Variants in ADAM28 observed in about 807,000 individuals in gnomAD.
ADAM28 encodes the protein disintegrin and metalloproteinase domain-containing protein 28.
In ADAM28, 105 loss-of-function variants were observed where a neutral mutation model predicts 101.2. The ratio of observed to expected loss-of-function variants is 1.04; its 90% CI spans 0.89 to 1.22. The LOEUF (loss-of-function observed/expected upper bound fraction) is 1.22, where lower values mean the gene tolerates loss of function less well. ADAM28 is among the 50% of genes most tolerant of loss of function. The pLI is 0.00. For synonymous variants in ADAM28, 322 were observed against 310.6 expected (o/e 1.04, Z -0.39); for missense variants, 1,028 against 945.4 (o/e 1.09, Z -1.15).
At chr8:24,353,238 A>G (rs1282123609) in intron 21 of ADAM28, among the ~76,000 whole-genome samples, 1 of 152,036 alleles carries the variant, frequency 6.6e-6, no homozygotes, top group African/African-American at 2.4e-5. Flanking sequence ...ATTTTACTTT[A>G]TGTATATTAG....
intron 10 of ADAM28, 99 bp from the exon 11 acceptor site, chr8:24,329,886 T>TGAGA (rs1287352791): frequency 5.4e-4 from 305 of 564,174 alleles, no homozygotes; most frequent in Non-Finnish European, 7.8e-4. Flanking sequence ...TGTGTGTGTG[T>TGAGA]GAGAGAGAGA....
intron 9 of ADAM28, among the ~76,000 whole-genome samples, chr8:24,325,590 T>A (rs1185930312): frequency 1.3e-5 from 2 of 151,758 alleles, no homozygotes; most frequent in Non-Finnish European, 2.9e-5. Flanking sequence ...AGAGAACAGG[T>A]ATCATAAACC....
At chr8:24,338,724 A>G (rs1000769738) in intron 14 of ADAM28, among the ~76,000 whole-genome samples, 6 of 152,176 alleles carry the variant, frequency 3.9e-5, no homozygotes, top group African/African-American at 1.4e-4. Context: ...AAATTTCCAA[A>G]CGTTTAAGAC....
chr8:24,326,829 T>A (rs987208880), intron 10 of ADAM28, among the ~76,000 whole-genome samples, 194 bp downstream of exon 10: 2 of 152,046 alleles, frequency 1.3e-5, no homozygotes, highest in Non-Finnish European at 2.9e-5. Flanking sequence ...ATTATCTTTT[T>A]AATATATTGT....
In ADAM28 at chr8:24,298,664, G is replaced by A. The variant is rs563920029; in HGVS notation, c.47-1310G>A. On this transcript the variant is annotated intron_variant, in intron 1 of 22. Coordinates refer to ENST00000265769, the MANE Select transcript of ADAM28 (RefSeq NM_014265.6). The stretch of plus-strand genomic sequence containing the variant: ...GGCATTACCTTTAGAGACCCTCCTA[G>A]TCCTTACTCAGAGAAGAGAAAAAAA... Among the ~76,000 whole-genome samples the A allele has an allele frequency of 3.3e-5, 5 of 152,218 alleles. No homozygotes were observed. In the South Asian group the frequency reaches 1.0e-3, roughly 32 times the overall value.
At chr8:24,343,269 CT>C in intron 17 of ADAM28, 88 bp downstream of exon 17, 1 of 1,470,022 alleles carries the variant, frequency 6.8e-7, no homozygotes, top group South Asian at 1.2e-5. Flanking sequence ...ATATTTTCAG[CT>C]TTAAATGATG....
chr8:24,308,422 C>T (rs1333685867), intron 2 of ADAM28, among the ~76,000 whole-genome samples: 1 of 152,160 alleles, frequency 6.6e-6, no homozygotes, highest in Non-Finnish European at 1.5e-5. Context: ...AGCATTTATT[C>T]TTTTCTAAAA....
At chr8:24,344,367 G>A (rs1050974995) in intron 18 of ADAM28, among the ~76,000 whole-genome samples, 9 of 152,104 alleles carry the variant, frequency 5.9e-5, no homozygotes, top group African/African-American at 2.2e-4. Flanking sequence ...TCTAGAGGAA[G>A]CCTCTGTCCT....
In ADAM28 at chr8:24,313,579, T is replaced by C. The variant is rs1810761541; in HGVS notation, c.575T>C (p.Val192Ala). The change falls in exon 6 of 23, where the codon GTA becomes GCA. Residue 192 changes from valine (V) to alanine (A), a missense_variant and splice_region_variant. Coordinates refer to ENST00000265769, the MANE Select transcript of ADAM28 (RefSeq NM_014265.6). The part of the protein sequence containing the change: ...QNIALPATKL[V>A]KLKDRKVQEH... The stretch of plus-strand genomic sequence containing the variant: ...ATTGCCCTACCTGCCACCAAACTAG[T>C]AGTATGTGTAACTTTATTTATTTGA... 6.2e-7 allele frequency: 1 copy of C among 1,613,058 alleles called. No homozygotes were observed. Among genetic ancestry groups the C allele is most frequent in the Non-Finnish European group, 8.5e-7 (1 of 1,179,454 alleles).
Position 24,341,686 on chromosome 8 carries a change from A to G in ADAM28, c.1759A>G (p.Thr587Ala). 6.2e-7 allele frequency: 1 copy of G among 1,613,928 alleles called. No homozygotes were observed. ...GRIVTFLTCK[T>A]FDPEDTSQEI... ...GATAGTGACTTTCCTGACATGTAAAACATTTGATCCTGAAGACACAAGTCA... is the reference window on the plus strand; with the variant it reads ...GATAGTGACTTTCCTGACATGTAAAGCATTTGATCCTGAAGACACAAGTCA... Residue 587 changes from threonine to alanine, a missense_variant, in exon 16 of 23, where the codon ACA becomes GCA. Thr to Ala is a moderately conservative substitution (Grantham distance 58). Transcript: ENST00000265769.
At chr8:24,329,884 TGTGA>T (rs879205692) in intron 10 of ADAM28, 97 bp from the exon 11 acceptor site, 10,707 of 679,062 alleles carry the variant, frequency 0.016, 10 homozygotes, top group African/African-American at 0.039. Context: ...TGTGTGTGTG[TGTGA>T]GAGAGAGAGA....
chr8:24,311,483 T>C (rs1278337772), intron 5 of ADAM28, 46 bp downstream of exon 5: 4 of 1,513,552 alleles, frequency 2.6e-6, no homozygotes, highest in Non-Finnish European at 3.6e-6. Flanking sequence ...TTGTGGTATT[T>C]ATGTATGTAT....
rs2129323666 is a variant in ADAM28, at chr8:24,339,452, G to A, written c.1568-14G>A. ...ATCTATTTTCTTTTCCCTGCTGACT[G>A]ATCCTGGTCCCAGGAACTGAGGTTG... On this transcript the variant is annotated splice_polypyrimidine_tract_variant and intron_variant, in intron 14 of 22. Transcript: ENST00000265769. 1 of 1,601,248 alleles carries A rather than the reference G, an allele frequency of 6.2e-7. No individual in the cohort carries two copies. Among genetic ancestry groups the A allele is most frequent in the Non-Finnish European group, 8.5e-7 (1 of 1,170,576 alleles).
In ADAM28 at chr8:24,323,948, T is replaced by C; in HGVS notation, c.835T>C (p.Trp279Arg). 6.2e-7 allele frequency: 1 copy of C among 1,612,148 alleles called. No homozygotes were observed. Among genetic ancestry groups the C allele is most frequent in the Non-Finnish European group, 8.5e-7 (1 of 1,178,800 alleles). ...CTTCACCTTGGAGAATTTTTCTAAA[T>C]GGAGGGGGAGTGTTCTCTCAAGAAG... ...ASFTLENFSK[W>R]RGSVLSRRKR... Residue 279 changes from tryptophan to arginine, a missense_variant, in exon 9 of 23, where the codon TGG (tryptophan) becomes CGG (arginine). Physicochemically the swap from Trp to Arg is moderately radical, Grantham distance 101. Transcript: ENST00000265769.
intron 2 of ADAM28, among the ~76,000 whole-genome samples, chr8:24,309,029 T>A (rs1020681444): frequency 3.3e-5 from 5 of 152,180 alleles, no homozygotes; most frequent in African/African-American, 4.8e-5. Context: ...CCTAATAACT[T>A]TTTAGATATT....
At chr8:24,351,057 G>A (rs1816055224) in intron 19 of ADAM28, among the ~76,000 whole-genome samples, 175 bp from the exon 20 acceptor site, 1 of 152,082 alleles carries the variant, frequency 6.6e-6, no homozygotes, top group Admixed American at 6.6e-5. Flanking sequence ...TGAATTACAA[G>A]GCAATGAAAG....
intron 18 of ADAM28, among the ~76,000 whole-genome samples, chr8:24,346,425 A>T (rs2129334146): frequency 6.6e-6 from 1 of 152,192 alleles, no homozygotes; most frequent in East Asian, 1.9e-4. Context: ...TATATCATAA[A>T]TTGTTTTATA....
At chr8:24,298,352 TC>T (rs139205682) in intron 1 of ADAM28, among the ~76,000 whole-genome samples, 2 of 152,296 alleles carry the variant, frequency 1.3e-5, no homozygotes, top group African/African-American at 4.8e-5. Context: ...CTTTTTCTGT[TC>T]TTCAAAGTTA....
chr8:24,345,659 T>C (rs1434246058), intron 18 of ADAM28, among the ~76,000 whole-genome samples: 1 of 152,102 alleles, frequency 6.6e-6, no homozygotes, highest in African/African-American at 2.4e-5. Context: ...ATTTTATGTA[T>C]ACTTCTACTT....
Sources: allele counts gnomAD v4.1 joint callset (sites outside exome capture counted in the v4.1 genomes callset), GRCh38; gene constraint gnomAD v4.1.1; transcripts MANE v1.5; gene names NCBI Gene and HGNC (gene_info 2026-07-23, HGNC 2026-07-21).